The following KAZN variants were observed in gnomAD, a reference collection of about 807,000 sequenced individuals.
The protein encoded by KAZN is kazrin, periplakin interacting protein, also known as kazrin.
Under a neutral mutation model 87.4 loss-of-function variants are expected in KAZN, and 40 were observed. That is an observed-to-expected ratio of 0.46 (90% CI 0.36 to 0.60). KAZN has a LOEUF of 0.60. Ranked by LOEUF, KAZN falls within the 20% of genes least tolerant of loss-of-function variation. The pLI, the probability that KAZN is intolerant of heterozygous loss-of-function variation, is 0.00. For synonymous variants in KAZN, 466 were observed against 458.3 expected, an observed-to-expected ratio of 1.02 and a Z score of -0.22; for missense variants, 898 against 1,073.9, an observed-to-expected ratio of 0.84 and a Z score of 2.29.
At chr1:14,260,578 C>G (rs1460198422) in intron 2 of KAZN, among the ~76,000 whole-genome samples, 1 of 152,150 alleles carries the variant, frequency 6.6e-6, no homozygotes, top group Non-Finnish European at 1.5e-5. Flanking sequence ...TAACTACGAT[C>G]CACCTGAAAG....
rs1667918440 is a variant in KAZN, at chr1:14,462,697, T to A, written c.250-136286T>A. 2.0e-5 allele frequency among the ~76,000 whole-genome samples: 3 copies of A among 152,096 alleles called. No homozygotes were observed. In the South Asian group the frequency reaches 6.2e-4, roughly 32 times the overall value. The stretch of plus-strand genomic sequence containing the variant: ...TGGTGGAAGATAAGGAGGAGCAAAG[T>A]CACATCTTACCTGGATGGTGGAAGG... On this transcript the variant is annotated intron_variant, in intron 2 of 16. Coordinates refer to the KAZN transcript ENST00000636203.
intron 1 of KAZN, among the ~76,000 whole-genome samples, chr1:14,097,145 T>C (rs1454454601): frequency 6.6e-6 from 1 of 152,186 alleles, no homozygotes; most frequent in Non-Finnish European, 1.5e-5. Flanking sequence ...AAAGTATAGA[T>C]TGACTTGAGT....
chr1:14,469,567 A>C (rs1357016519), intron 2 of KAZN, among the ~76,000 whole-genome samples: 1 of 152,234 alleles, frequency 6.6e-6, no homozygotes, highest in African/African-American at 2.4e-5. Flanking sequence ...GCAAATATAC[A>C]GCGTTGCCAG....
intron 2 of KAZN, among the ~76,000 whole-genome samples, chr1:15,027,950 CTG>C (rs1260995150): frequency 6.6e-6 from 1 of 152,244 alleles, no homozygotes; most frequent in African/African-American, 2.4e-5. Context: ...TGAGGACAAA[CTG>C]AATGTCACCT....
intron 2 of KAZN, among the ~76,000 whole-genome samples, chr1:14,306,751 C>T (rs1654959036): frequency 6.6e-6 from 1 of 152,114 alleles, no homozygotes; most frequent in Non-Finnish European, 1.5e-5. Flanking sequence ...GGGATTAGCT[C>T]TGCCCAGACA....
At chr1:14,487,620 A>C (rs1669417803) in intron 2 of KAZN, among the ~76,000 whole-genome samples, 1 of 152,252 alleles carries the variant, frequency 6.6e-6, no homozygotes. Flanking sequence ...AGAGGCTTTT[A>C]AAAGTGGAGG....
intron 2 of KAZN, among the ~76,000 whole-genome samples, chr1:14,438,895 T>C (rs1666547273): frequency 6.6e-6 from 1 of 152,186 alleles, no homozygotes; most frequent in Admixed American, 6.5e-5. Context: ...TGTAAGCCCT[T>C]AGTGCTGTGA....
chr1:13,963,273 G>A (rs1641821790), intron 1 of KAZN, among the ~76,000 whole-genome samples: 1 of 152,132 alleles, frequency 6.6e-6, no homozygotes, highest in Non-Finnish European at 1.5e-5. Context: ...ATCAGAAGGT[G>A]GAAGTGAGCA....
At chr1:14,927,410 T>C (rs1006384994) in intron 1 of KAZN, among the ~76,000 whole-genome samples, 3 of 152,084 alleles carry the variant, frequency 2.0e-5, no homozygotes, top group Non-Finnish European at 4.4e-5. Context: ...AGTAGGCAAA[T>C]AGGCACAGGA....
At chr1:14,074,659 C>G (rs2101569307) in intron 1 of KAZN, among the ~76,000 whole-genome samples, 1 of 152,290 alleles carries the variant, frequency 6.6e-6, no homozygotes, top group Middle Eastern at 3.4e-3. Context: ...AGGGGACCCT[C>G]TAGCCCAGGT....
chr1:13,951,044 C>T (rs182800381), intron 1 of KAZN, among the ~76,000 whole-genome samples: 177 of 152,240 alleles, frequency 1.2e-3, no homozygotes, highest in African/African-American at 4.1e-3. Context: ...TCCTTTCAGC[C>T]TTTTTTCTTT....
chr1:14,979,175 G>T (rs1324168334), intron 2 of KAZN, among the ~76,000 whole-genome samples: 1 of 151,970 alleles, frequency 6.6e-6, no homozygotes, highest in African/African-American at 2.4e-5. Context: ...ACTTTGGGAG[G>T]CCAAGGCGAG....
Position 14,184,983 on chromosome 1 carries a change from T to A in KAZN, c.249+4391T>A, listed in dbSNP as rs1161828584. ...GTAGGTAGGCCTCTGTGGCTGTCAC[T>A]GGTACAGTTATCTGGAGCTTTCTAG... On this transcript the variant is annotated intron_variant, in intron 2 of 16. Coordinates refer to the KAZN transcript ENST00000636203. This position sits in a 1 kb window ranked among gnomAD's most constrained non-coding sequence, Gnocchi z 4.2. Among the ~76,000 whole-genome samples, 1 of 152,150 alleles carries A rather than the reference T, an allele frequency of 6.6e-6. No homozygotes were observed. Among genetic ancestry groups the A allele is most frequent in the Non-Finnish European group, 1.5e-5 (1 of 68,018 alleles).
At chr1:15,029,692 G>A (rs1314427821) in intron 2 of KAZN, among the ~76,000 whole-genome samples, 1 of 152,234 alleles carries the variant, frequency 6.6e-6, no homozygotes, top group African/African-American at 2.4e-5. Flanking sequence ...ACTGCCAAGA[G>A]CAGAGTCTGG....
At chr1:14,317,684 C>A (rs915314785) in intron 2 of KAZN, among the ~76,000 whole-genome samples, 1 of 151,580 alleles carries the variant, frequency 6.6e-6, no homozygotes, top group Non-Finnish European at 1.5e-5. Context: ...GACCTATTAG[C>A]TATACAGTGA....
At chr1:14,120,283 G>A (rs983261685) in intron 1 of KAZN, among the ~76,000 whole-genome samples, 2 of 152,048 alleles carry the variant, frequency 1.3e-5, no homozygotes, top group Non-Finnish European at 2.9e-5. Context: ...AGGGCGGGGG[G>A]AGGTGCCGTG....
chr1:14,259,147 G>A lies in KAZN; in HGVS notation c.249+78555G>A, dbSNP rs569632296. On this transcript the variant is annotated intron_variant, in intron 2 of 16. Transcript: ENST00000636203. ...TCTGCTTGGAGATGAGTGAAAGGTGGCTCACGTGGCTAGGCAGCATGCATG... is the reference window on the plus strand; with the variant it reads ...TCTGCTTGGAGATGAGTGAAAGGTGACTCACGTGGCTAGGCAGCATGCATG... Among the ~76,000 whole-genome samples the A allele has an allele frequency of 1.2e-4, 19 of 152,010 alleles. No individual in the cohort carries two copies. In the South Asian group the frequency reaches 2.9e-3, roughly 23 times the overall value.
At chr1:14,057,616 C>G (rs1185115689) in intron 1 of KAZN, among the ~76,000 whole-genome samples, 1 of 152,212 alleles carries the variant, frequency 6.6e-6, no homozygotes, top group African/African-American at 2.4e-5. Flanking sequence ...ATGCCTAACA[C>G]ATAGTAGGTG....
At chr1:14,777,957 C>A (rs1447462879) in intron 1 of KAZN, among the ~76,000 whole-genome samples, 1 of 152,064 alleles carries the variant, frequency 6.6e-6, no homozygotes. Flanking sequence ...GCCATGAGGA[C>A]GATCAAAGGT....
Sources: allele counts gnomAD v4.1 joint callset (sites outside exome capture counted in the v4.1 genomes callset), GRCh38; gene constraint gnomAD v4.1.1; non-coding constraint Gnocchi (gnomAD v3.1); transcripts MANE v1.5; gene names NCBI Gene and HGNC (gene_info 2026-07-23, HGNC 2026-07-21).